The following PCDHGC4 variants were observed in gnomAD, a reference collection of about 807,000 sequenced individuals.
PCDHGC4 encodes protocadherin gamma subfamily C, 4, also known as protocadherin gamma-C4.
PCDHGC4 carries 15 observed loss-of-function variants against 59.7 expected under a neutral mutation model. That is an observed-to-expected ratio of 0.25 (90% CI 0.17 to 0.39). The LOEUF (loss-of-function observed/expected upper bound fraction) is 0.39. PCDHGC4 is among the 10% of genes least tolerant of loss of function. The pLI, the probability that PCDHGC4 is intolerant of heterozygous loss-of-function variation, is 1.00. For missense variants in PCDHGC4, 1,016 were observed against 1,189.5 expected, an observed-to-expected ratio of 0.85 and a Z score of 2.15; for synonymous variants, 434 against 481.4, an observed-to-expected ratio of 0.90 and a Z score of 1.29.
Position 141,487,176 on chromosome 5 carries a change from A to G in PCDHGC4, c.2003A>G (p.Asp668Gly). Residue 668 changes from aspartate to glycine, a missense_variant, in exon 1 of 4, where the codon GAC (aspartate) becomes GGC (glycine). Coordinates refer to ENST00000306593, the MANE Select transcript of PCDHGC4 (RefSeq NM_018928.3). The surrounding 1 kb of genome is among the most constrained non-coding windows in gnomAD (Gnocchi z 5.0). ...SVTLLVSLEEDTHPVVPDLRE... is the reference protein window; with the variant it reads ...SVTLLVSLEEGTHPVVPDLRE... ...ACTCTCTTAGTGTCCTTAGAGGAAGACACTCATCCAGTTGTCCCAGATCTT... is the reference window on the plus strand; with the variant it reads ...ACTCTCTTAGTGTCCTTAGAGGAAGGCACTCATCCAGTTGTCCCAGATCTT... 1 of 1,613,774 alleles carries G rather than the reference A, an allele frequency of 6.2e-7. No homozygotes were observed. The highest frequency in any genetic ancestry group is 8.5e-7 in the Non-Finnish European group (1 of 1,179,664).
chr5:141,489,229 G>C lies in PCDHGC4; in HGVS notation c.2442+1614G>C. The C allele has an allele frequency of 6.6e-7, 1 of 1,522,252 alleles. No homozygotes were observed. Among genetic ancestry groups the C allele is most frequent in the Non-Finnish European group, 8.8e-7 (1 of 1,133,810 alleles). The allele number at this position is 1,522,252 out of a possible 1,614,324, so 94.3% of individuals were successfully genotyped here. On this transcript the variant is annotated intron_variant, in intron 1 of 3. Coordinates refer to ENST00000306593, the MANE Select transcript of PCDHGC4 (RefSeq NM_018928.3). This position sits in a 1 kb window ranked among gnomAD's most constrained non-coding sequence, Gnocchi z 4.5. ...AGCACAGACTTACTCTCCACAAAGG[G>C]ACTTCTGGGTCATGGGGCCCAAGAC...
chr5:141,489,220 C>G lies in PCDHGC4; in HGVS notation c.2442+1605C>G. The G allele has an allele frequency of 6.6e-7, 1 of 1,508,698 alleles. No individual in the cohort carries two copies. Among genetic ancestry groups the G allele is most frequent in the South Asian group, 1.3e-5 (1 of 75,604 alleles). The allele number at this position is 1,508,698 out of a possible 1,614,324, so 93.5% of individuals were successfully genotyped here. A position where few individuals can be genotyped will look rare whatever the true frequency, so the allele number is the denominator to read the frequency against. ...AGACAGGACAGCACAGACTTACTCT[C>G]CACAAAGGGACTTCTGGGTCATGGG... On this transcript the variant is annotated intron_variant, in intron 1 of 3. Transcript: ENST00000306593. The surrounding 1 kb of genome is among the most constrained non-coding windows in gnomAD (Gnocchi z 4.5).
chr5:141,494,323 A>T (rs1188768690), intron 1 of PCDHGC4, among the ~76,000 whole-genome samples: 1 of 152,210 alleles, frequency 6.6e-6, no homozygotes, highest in Non-Finnish European at 1.5e-5. Flanking sequence ...CCTGGCACCA[A>T]AAGGGTTACC....
chr5:141,499,996 C>A (rs1246090346), intron 2 of PCDHGC4, among the ~76,000 whole-genome samples: 2 of 151,572 alleles, frequency 1.3e-5, no homozygotes, highest in Non-Finnish European at 2.9e-5. Flanking sequence ...CCAGATGATT[C>A]TTTCATAAGG....
chr5:141,507,487 G>A (rs889348168), intron 3 of PCDHGC4, among the ~76,000 whole-genome samples: 1 of 152,204 alleles, frequency 6.6e-6, no homozygotes, highest in African/African-American at 2.4e-5. Context: ...GCCTCCTGAG[G>A]CAGAGCTGTC....
chr5:141,502,866 CTT>C (rs549047197), intron 2 of PCDHGC4, among the ~76,000 whole-genome samples: 3 of 127,996 alleles, frequency 2.3e-5, no homozygotes, highest in Admixed American at 8.6e-5. Flanking sequence ...GACTCTCTGT[CTT>C]TTTTTTTTTT....
intron 2 of PCDHGC4, among the ~76,000 whole-genome samples, chr5:141,500,329 C>G (rs1384834356): frequency 6.6e-6 from 1 of 151,986 alleles, no homozygotes; most frequent in Non-Finnish European, 1.5e-5. Flanking sequence ...CTGCCTCAGC[C>G]TCCAGAATAG....
intron 2 of PCDHGC4, among the ~76,000 whole-genome samples, chr5:141,504,997 AC>A (rs554150488): frequency 9.9e-5 from 15 of 152,238 alleles, no homozygotes; most frequent in African/African-American, 2.9e-4. Flanking sequence ...CCCCGTCTGT[AC>A]TAAAAATACA....
At position 141,493,774 on chromosome 5, in the gene PCDHGC4, C is replaced by T. The variant is rs2099749996; in HGVS notation, c.2443-1033C>T. On this transcript the variant is annotated intron_variant, in intron 1 of 3. Coordinates refer to ENST00000306593, the MANE Select transcript of PCDHGC4 (RefSeq NM_018928.3). The surrounding 1 kb of genome is among the most constrained non-coding windows in gnomAD (Gnocchi z 4.3). ...GCCTTGAGTGAGCCACTGGCAGTTC[C>T]GGAGCTTCCTTCTCCCTGGAGTAAT... Among the ~76,000 whole-genome samples, 1 of 152,258 alleles carries T rather than the reference C, an allele frequency of 6.6e-6. No homozygotes were observed. The highest frequency in any genetic ancestry group is 1.9e-4 in the East Asian group (1 of 5,176).
At chr5:141,492,197 TA>T (rs2099738125) in intron 1 of PCDHGC4, among the ~76,000 whole-genome samples, 1 of 152,200 alleles carries the variant, frequency 6.6e-6, no homozygotes, top group African/African-American at 2.4e-5. Flanking sequence ...CTGCGGGACT[TA>T]GGTGTGCGCG....
chr5:141,506,180 G>T (rs548366782), intron 3 of PCDHGC4, among the ~76,000 whole-genome samples: 44 of 152,294 alleles, frequency 2.9e-4, no homozygotes, highest in Non-Finnish European at 5.7e-4. Context: ...GCTGGGCGTG[G>T]TGGCTCACGC....
At chr5:141,500,866 A>G (rs576713520) in intron 2 of PCDHGC4, among the ~76,000 whole-genome samples, 19 of 146,112 alleles carry the variant, frequency 1.3e-4, no homozygotes, top group South Asian at 4.3e-4. Context: ...AAACATACAC[A>G]TTCATTTACA....
chr5:141,510,307 G>C (rs1250172295), intron 3 of PCDHGC4, among the ~76,000 whole-genome samples: 1 of 151,446 alleles, frequency 6.6e-6, no homozygotes, highest in African/African-American at 2.4e-5. Context: ...TTTTGAAATG[G>C]AGGCTTGGAA....
chr5:141,494,441 C>T (rs1187169994), intron 1 of PCDHGC4, among the ~76,000 whole-genome samples: 2 of 152,154 alleles, frequency 1.3e-5, no homozygotes, highest in African/African-American at 4.8e-5. Context: ...TCCTTTGCCA[C>T]TTTAGGGGGC....
chr5:141,510,251 C>G (rs569804850), intron 3 of PCDHGC4, among the ~76,000 whole-genome samples: 1 of 144,724 alleles, frequency 6.9e-6, no homozygotes, highest in African/African-American at 2.6e-5. Flanking sequence ...CCAGGCTGGG[C>G]GACAGAGCAG....
At chr5:141,507,815 C>G (rs936926937) in intron 3 of PCDHGC4, among the ~76,000 whole-genome samples, 2 of 152,204 alleles carry the variant, frequency 1.3e-5, no homozygotes, top group African/African-American at 4.8e-5. Context: ...GGAACGGACC[C>G]TGGGGGTGGA....
In PCDHGC4 at chr5:141,489,126, T is replaced by C; in HGVS notation, c.2442+1511T>C. ...TGCAAGCAGGCAAACCTCCGAGCAG[T>C]TTTTAAGAGGCTGGAAGGAGACATA... On this transcript the variant is annotated intron_variant, in intron 1 of 3. Coordinates refer to ENST00000306593, the MANE Select transcript of PCDHGC4 (RefSeq NM_018928.3). This position sits in a 1 kb window ranked among gnomAD's most constrained non-coding sequence, Gnocchi z 4.5. 1.7e-6 allele frequency: 1 copy of C among 585,136 alleles called. No individual in the cohort carries two copies. Among genetic ancestry groups the C allele is most frequent in the South Asian group, 3.2e-5 (1 of 31,406 alleles). The allele number at this position is 585,136 out of a possible 1,614,324, so 36.2% of individuals were successfully genotyped here. A position where few individuals can be genotyped will look rare whatever the true frequency, so the allele number is the denominator to read the frequency against.
chr5:141,502,629 G>A (rs1368174848), intron 2 of PCDHGC4, among the ~76,000 whole-genome samples: 1 of 152,096 alleles, frequency 6.6e-6, no homozygotes, highest in Non-Finnish European at 1.5e-5. Context: ...GTAATCTGTG[G>A]ATGATACTTT....
Position 141,486,429 on chromosome 5 carries a change from C to G in PCDHGC4, c.1256C>G (p.Ser419Cys), listed in dbSNP as rs2099629385. The change falls in exon 1 of 4, where the codon TCT becomes TGT. Residue 419 changes from serine (S) to cysteine (C), a missense_variant. By Grantham distance (112) the Ser-to-Cys change is moderately radical (BLOSUM62 -1). Transcript: ENST00000306593. The surrounding 1 kb of genome is among the most constrained non-coding windows in gnomAD (Gnocchi z 5.0). ...GGACCCTTGGATCGAGAGGCCAAAT[C>G]TAGCTATGACATCATGGTCACTGCT... ...TAGPLDREAK[S>C]SYDIMVTASD... is the part of the protein sequence containing the mutation. 1.1e-5 allele frequency: 17 copies of G among 1,614,192 alleles called. No homozygotes were observed. Among genetic ancestry groups the G allele is most frequent in the Non-Finnish European group, 1.4e-5 (17 of 1,180,008 alleles).
Sources: gnomAD v4.1 joint callset for allele counts (sites outside exome capture counted in the v4.1 genomes callset) on GRCh38, gnomAD v4.1.1 for gene constraint, Gnocchi (gnomAD v3.1) non-coding constraint, MANE v1.5 for transcripts, NCBI Gene and HGNC (gene_info 2026-07-23, HGNC 2026-07-21) for gene names.